MYO1E: variants seen among roughly 807,000 people sequenced by gnomAD.
MYO1E encodes the protein unconventional myosin-Ie.
Under a neutral mutation model 151.1 loss-of-function variants are expected in MYO1E, and 68 were observed. That is an observed-to-expected ratio of 0.45 (90% CI 0.37 to 0.55). The LOEUF (loss-of-function observed/expected upper bound fraction) is 0.55, where lower values mean the gene tolerates loss of function less well. Among genes scored for constraint, MYO1E ranks in the 20% least tolerant of loss-of-function variants. The pLI is 0.00. For synonymous variants in MYO1E, 601 were observed against 501.7 expected, an observed-to-expected ratio of 1.20 and a Z score of -2.64; for missense variants, 1,363 against 1,389.3, an observed-to-expected ratio of 0.98 and a Z score of 0.30.
intron 5 of MYO1E, among the ~76,000 whole-genome samples, chr15:59,234,108 G>A (rs1178775776): frequency 6.6e-6 from 1 of 152,030 alleles, no homozygotes; most frequent in Non-Finnish European, 1.5e-5. Context: ...CAGAGAAAGA[G>A]GCCACTTTAA....
chr15:59,355,203 G>A (rs767690371), intron 1 of MYO1E, among the ~76,000 whole-genome samples: 36 of 152,116 alleles, frequency 2.4e-4, no homozygotes, highest in Admixed American at 6.5e-4. Context: ...GTCCCTCTCC[G>A]TCGTGACTTT....
At chr15:59,261,290 T>C in intron 3 of MYO1E, 130 bp downstream of exon 3, 1 of 470,060 alleles carries the variant, frequency 2.1e-6, no homozygotes. Context: ...AATCAAACAA[T>C]GTCACTCAAG....
chr15:59,140,386 A>C (rs1293253701), intron 26 of MYO1E, among the ~76,000 whole-genome samples: 2 of 152,244 alleles, frequency 1.3e-5, no homozygotes, highest in Non-Finnish European at 2.9e-5. Flanking sequence ...CATTTAGCAA[A>C]AACAAAAAGG....
At chr15:59,167,831 C>A (rs1462991044) in intron 22 of MYO1E, among the ~76,000 whole-genome samples, 1 of 152,120 alleles carries the variant, frequency 6.6e-6, no homozygotes, top group Non-Finnish European at 1.5e-5. Context: ...CACACACCAC[C>A]ATGCTCAACT....
intron 1 of MYO1E, among the ~76,000 whole-genome samples, chr15:59,363,176 A>C (rs945484256): frequency 6.6e-6 from 1 of 151,948 alleles, no homozygotes; most frequent in African/African-American, 2.4e-5. Flanking sequence ...ACGGGGTTTC[A>C]CCATGTTAGC....
At chr15:59,313,651 C>A (rs189002200) in intron 1 of MYO1E, among the ~76,000 whole-genome samples, 1 of 152,326 alleles carries the variant, frequency 6.6e-6, no homozygotes, top group Admixed American at 6.5e-5. Flanking sequence ...CAACTTCCAC[C>A]ATTCCTGCCA....
rs1462899049 is a variant in MYO1E, at chr15:59,272,344, C to T, written c.109G>A (p.Glu37Lys). 15 of 1,614,126 alleles carry T rather than the reference C, an allele frequency of 9.3e-6. No homozygotes were observed. The highest frequency in any genetic ancestry group is 1.3e-5 in the Non-Finnish European group (15 of 1,179,970). The part of the protein sequence containing the change: ...LSKITENSIV[E>K]NLKKRYMDDY... ...TCCATGTATCTCTTCTTCAGATTCT[C>T]CACGATGGAGTTCTCTGTGATCTTG... Residue 37 changes from glutamate (E) to lysine (K), a missense_variant, in exon 2 of 28, where the codon GAG (glutamate) becomes AAG (lysine). Glu to Lys is a moderately conservative substitution (Grantham distance 56, BLOSUM62 1). Coordinates refer to ENST00000288235, the MANE Select transcript of MYO1E (RefSeq NM_004998.4).
chr15:59,372,579 A>C lies in MYO1E; in HGVS notation c.-79T>G. 1 of 1,511,774 alleles carries C rather than the reference A, an allele frequency of 6.6e-7. No individual in the cohort carries two copies. Among genetic ancestry groups the C allele is most frequent in the Non-Finnish European group, 8.9e-7 (1 of 1,127,312 alleles). 93.6% of individuals were successfully genotyped at this position (1,511,774 alleles called of 1,614,324 possible). ...GGCTGGAACGCAGTCTTCTGGGCGA[A>C]CTTCAAAAGTTGGTTCCCCTCGCCA... is the stretch of plus-strand genomic sequence containing the variant. On this transcript the variant is annotated 5_prime_UTR_variant, in exon 1 of 28. Coordinates refer to ENST00000288235, the MANE Select transcript of MYO1E (RefSeq NM_004998.4).
rs1810624258 is a variant in MYO1E, at chr15:59,227,487, C to T, written c.614G>A (p.Gly205Glu). The T allele has an allele frequency of 1.2e-6, 2 of 1,614,162 alleles. No homozygotes were observed. Among genetic ancestry groups the T allele is most frequent in the Non-Finnish European group, 1.7e-6 (2 of 1,180,024 alleles). ...EKSRVVMRNP[G>E]ERSFHIFYQL... is the part of the protein sequence containing the mutation. ...GTAAAATATGTGAAAACTCCGCTCT[C>T]CTGGGTTCCTCATCACCACCCTAGA... Residue 205 changes from glycine to glutamate, a missense_variant, in exon 7 of 28, where the codon GGA becomes GAA. Coordinates refer to ENST00000288235, the MANE Select transcript of MYO1E (RefSeq NM_004998.4).
At chr15:59,266,098 T>C (rs1382049583) in intron 2 of MYO1E, among the ~76,000 whole-genome samples, 1 of 152,206 alleles carries the variant, frequency 6.6e-6, no homozygotes, top group African/African-American at 2.4e-5. Flanking sequence ...TAATTGTTTA[T>C]CTAAACAATT....
At chr15:59,170,877 C>A (rs1347124578) in intron 22 of MYO1E, among the ~76,000 whole-genome samples, 2 of 152,128 alleles carry the variant, frequency 1.3e-5, no homozygotes, top group African/African-American at 4.8e-5. Flanking sequence ...GCACATAAAA[C>A]CCCTGCTTTT....
chr15:59,229,709 A>T (rs1394665549), intron 6 of MYO1E, among the ~76,000 whole-genome samples: 1 of 152,208 alleles, frequency 6.6e-6, no homozygotes, highest in Admixed American at 6.5e-5. Flanking sequence ...AGTGTTAAAT[A>T]TATACATTCT....
chr15:59,314,591 A>G (rs1337473677), intron 1 of MYO1E, among the ~76,000 whole-genome samples: 1 of 152,090 alleles, frequency 6.6e-6, no homozygotes, highest in African/African-American at 2.4e-5. Flanking sequence ...CTGAGTGGTC[A>G]GTGGCTTAGG....
At chr15:59,138,662 A>AC (rs35435151) in intron 26 of MYO1E, among the ~76,000 whole-genome samples, 1 of 152,180 alleles carries the variant, frequency 6.6e-6, no homozygotes. Context: ...TCAAAAGTAT[A>AC]CCCATACATT....
Position 59,285,684 on chromosome 15 carries a change from A to C in MYO1E, c.4-13235T>G, listed in dbSNP as rs774896704. On this transcript the variant is annotated intron_variant, in intron 1 of 27. Coordinates refer to ENST00000288235, the MANE Select transcript of MYO1E (RefSeq NM_004998.4). ...TTTAAAAAAAATAATAAAATCAATT[A>C]ATTAATTAGCTGAAATGAATTTTAA... is the stretch of plus-strand genomic sequence containing the variant. Among the ~76,000 whole-genome samples the C allele has an allele frequency of 4.7e-4, 71 of 152,182 alleles. 1 individual carries two copies. Among genetic ancestry groups the C allele is most frequent in the Non-Finnish European group, 1.0e-3 (69 of 68,044 alleles).
rs34694267 is a variant in MYO1E at position 59,191,332 on chromosome 15, C to CAGAGAGAGAGAGAGAGAGAGAGAG, written c.1806-3140_1806-3117dup. Among the ~76,000 whole-genome samples the CAGAGAGAGAGAGAGAGAGAGAGAG allele has an allele frequency of 1.2e-3, 128 of 105,706 alleles. 3 individuals carry two copies. Among genetic ancestry groups the CAGAGAGAGAGAGAGAGAGAGAGAG allele is most frequent in the African/African-American group, 3.3e-3 (97 of 29,008 alleles). The allele number at this position is 105,706 out of a possible 152,430, so 69.3% of individuals were successfully genotyped here. ...CCCATATAAGTCAGACAGACAGAGA[C>CAGAGAGAGAGAGAGAGAGAGAGAG]AGAGAGAGAGAGAGAGAGAGAGAGA... On this transcript the variant is annotated intron_variant, in intron 17 of 27. Transcript: ENST00000288235.
At chr15:59,217,138 G>C (rs2079923680) in intron 10 of MYO1E, among the ~76,000 whole-genome samples, 1 of 152,124 alleles carries the variant, frequency 6.6e-6, no homozygotes, top group Non-Finnish European at 1.5e-5. Flanking sequence ...CTTTGAGTCA[G>C]AACCACCAAG....
At chr15:59,166,234 CCTT>C (rs1230436560) in intron 22 of MYO1E, among the ~76,000 whole-genome samples, 1 of 152,190 alleles carries the variant, frequency 6.6e-6, no homozygotes, top group Non-Finnish European at 1.5e-5. Context: ...ATTCTGCTCT[CCTT>C]AGCCCACGCT....
intron 10 of MYO1E, among the ~76,000 whole-genome samples, chr15:59,216,683 TATACACATACAC>T (rs1172103811): frequency 1.5e-4 from 4 of 27,470 alleles, no homozygotes; most frequent in African/African-American, 5.2e-4. Flanking sequence ...TATATATATA[TATACACATACAC>T]ACACACACAC....
Sources: allele counts gnomAD v4.1 joint callset (sites outside exome capture counted in the v4.1 genomes callset), GRCh38; gene constraint gnomAD v4.1.1; transcripts MANE v1.5; gene names NCBI Gene and HGNC (gene_info 2026-07-23, HGNC 2026-07-21).